The following INPP5F variants were observed in gnomAD, a reference collection of about 807,000 sequenced individuals.
INPP5F encodes phosphatidylinositide 4-phosphatase SAC2.
A neutral mutation model predicts 137.2 loss-of-function variants in INPP5F; 97 were observed. That is an observed-to-expected ratio of 0.71 (90% CI 0.60 to 0.84). INPP5F has a LOEUF of 0.84. Among genes scored for constraint, INPP5F ranks in the 40% least tolerant of loss-of-function variants. INPP5F has a pLI of 0.00. For synonymous variants in INPP5F, 504 were observed against 476.9 expected, an observed-to-expected ratio of 1.06 and a Z score of -0.74; for missense variants, 1,271 against 1,371.9, an observed-to-expected ratio of 0.93 and a Z score of 1.16.
chr10:119,785,706 A>G (rs1339707579), intron 3 of INPP5F, among the ~76,000 whole-genome samples: 1 of 152,078 alleles, frequency 6.6e-6, no homozygotes, highest in Non-Finnish European at 1.5e-5. Context: ...GAAAAATTTA[A>G]AAATTAGCTG....
intron 2 of INPP5F, among the ~76,000 whole-genome samples, chr10:119,751,785 C>G (rs766586240): frequency 6.6e-6 from 1 of 152,054 alleles, no homozygotes; most frequent in East Asian, 1.9e-4. Flanking sequence ...TTTTTTGGTG[C>G]CTTACCCTTC....
rs1850977946 is a variant in INPP5F at position 119,810,301 on chromosome 10, A to G, written c.1687+84A>G. On this transcript the variant is annotated intron_variant, in intron 14 of 19. Transcript: ENST00000650623. ...TACAGAAACCAGCTTCATTAACATA[A>G]TTCATATTTTGTAATATACTTGTGT... 24 of 718,486 alleles carry G rather than the reference A, an allele frequency of 3.3e-5. No homozygotes were observed. The South Asian group carries it at 4.3e-4, about 13-fold the overall frequency. 44.5% of individuals were successfully genotyped at this position (718,486 alleles called of 1,614,324 possible).
At chr10:119,759,453 A>G (rs979410641) in intron 2 of INPP5F, among the ~76,000 whole-genome samples, 4 of 151,998 alleles carry the variant, frequency 2.6e-5, no homozygotes, top group Admixed American at 6.6e-5. Flanking sequence ...GCAGTGGCAC[A>G]ATCTTGGCTC....
At chr10:119,798,395 G>T in intron 8 of INPP5F, 148 bp from the exon 9 acceptor site, 1 of 563,864 alleles carries the variant, frequency 1.8e-6, no homozygotes, top group Non-Finnish European at 3.1e-6. Context: ...CTTTGACTTA[G>T]CATTTCATTT....
chr10:119,807,890 C>T, intron 12 of INPP5F, 42 bp from the exon 13 acceptor site: 1 of 1,542,970 alleles, frequency 6.5e-7, no homozygotes, highest in Non-Finnish European at 8.7e-7. Flanking sequence ...GCTATGGTTT[C>T]CTGGCCCATA....
At chr10:119,771,836 A>G (rs191554737) in intron 2 of INPP5F, among the ~76,000 whole-genome samples, 2 of 121,334 alleles carry the variant, frequency 1.6e-5, no homozygotes, top group African/African-American at 3.1e-5. Context: ...ATACTCCATA[A>G]AGTATGGAGA....
At chr10:119,790,166 G>C (rs1250211553) in intron 3 of INPP5F, among the ~76,000 whole-genome samples, 1 of 152,020 alleles carries the variant, frequency 6.6e-6, no homozygotes, top group Non-Finnish European at 1.5e-5. Context: ...TCGCTCGGGG[G>C]TGTGCAGAGG....
intron 3 of INPP5F, among the ~76,000 whole-genome samples, chr10:119,788,111 A>C (rs753283780): frequency 2.4e-4 from 37 of 152,206 alleles, no homozygotes; most frequent in Admixed American, 6.5e-4. Context: ...TTTCTTGCTT[A>C]AATGATCCAG....
At chr10:119,820,575 T>C (rs916112712) in intron 15 of INPP5F, among the ~76,000 whole-genome samples, 5 of 152,180 alleles carry the variant, frequency 3.3e-5, no homozygotes, top group African/African-American at 1.2e-4. Context: ...CCTCAAATTA[T>C]CCCATTTCCT....
intron 2 of INPP5F, among the ~76,000 whole-genome samples, chr10:119,758,150 A>G (rs574473138): frequency 1.3e-5 from 2 of 152,372 alleles, no homozygotes; most frequent in Non-Finnish European, 2.9e-5. Flanking sequence ...CAGTTTTACC[A>G]TTAAAAATGT....
At chr10:119,790,417 CATG>C (rs1294446867) in intron 3 of INPP5F, among the ~76,000 whole-genome samples, 1 of 152,138 alleles carries the variant, frequency 6.6e-6, no homozygotes, top group African/African-American at 2.4e-5. Context: ...AAGCTGTAAT[CATG>C]GTGTGAAACC....
Position 119,827,899 on chromosome 10 carries a change from G to T in INPP5F, c.*119G>T, listed in dbSNP as rs1478084207. The T allele has an allele frequency of 2.5e-6, 2 of 798,934 alleles. No individual in the cohort carries two copies. The highest frequency in any genetic ancestry group is 2.0e-6 in the Non-Finnish European group (1 of 510,888). The allele number at this position is 798,934 out of a possible 1,614,324, so 49.5% of individuals were successfully genotyped here. ...ATCACAAATTCTGTTCATTGGAAAG[G>T]GTTTTAAACGGAGTCGGAACCTGAG... On this transcript the variant is annotated 3_prime_UTR_variant, in exon 20 of 20. Transcript: ENST00000650623.
intron 6 of INPP5F, among the ~76,000 whole-genome samples, chr10:119,793,118 A>G (rs982743198): frequency 1.3e-5 from 2 of 152,172 alleles, no homozygotes; most frequent in African/African-American, 2.4e-5. Flanking sequence ...TGTAATGAGC[A>G]TTTGTCCTGT....
chr10:119,777,040 C>T (rs1457058971), intron 2 of INPP5F, among the ~76,000 whole-genome samples: 6 of 152,214 alleles, frequency 3.9e-5, no homozygotes, highest in East Asian at 1.9e-4. Context: ...CATGAGCCAC[C>T]GCACCTGGCC....
At chr10:119,758,894 T>G (rs1388456549) in intron 2 of INPP5F, among the ~76,000 whole-genome samples, 1 of 152,232 alleles carries the variant, frequency 6.6e-6, no homozygotes, top group Non-Finnish European at 1.5e-5. Flanking sequence ...TAATACTGAT[T>G]TTAGTCTTCT....
chr10:119,773,983 G>A (rs911442581), intron 2 of INPP5F, among the ~76,000 whole-genome samples: 7 of 152,072 alleles, frequency 4.6e-5, no homozygotes, highest in Admixed American at 3.3e-4. Context: ...TAAATTTCCT[G>A]GCCGGGCTCA....
At chr10:119,793,525 GA>G (rs1850221105) in intron 6 of INPP5F, 2 of 151,656 alleles carry the variant, frequency 1.3e-5, no homozygotes, top group Non-Finnish European at 2.9e-5. Context: ...CACTTACGGA[GA>G]TAAGAGAGAA....
chr10:119,823,262 A>G, intron 18 of INPP5F, 63 bp downstream of exon 18: 1 of 1,508,248 alleles, frequency 6.6e-7, no homozygotes, highest in Non-Finnish European at 9.1e-7. Context: ...AAAAGCCCAA[A>G]TGGAATTGGG....
chr10:119,776,358 T>G (rs1333919816), intron 2 of INPP5F, among the ~76,000 whole-genome samples: 4 of 152,158 alleles, frequency 2.6e-5, no homozygotes, highest in African/African-American at 9.7e-5. Context: ...TGTATTTATT[T>G]TAAAATATAT....
Sources: allele counts gnomAD v4.1 joint callset (sites outside exome capture counted in the v4.1 genomes callset), GRCh38; gene constraint gnomAD v4.1.1; transcripts MANE v1.5; gene names NCBI Gene and HGNC (gene_info 2026-07-23, HGNC 2026-07-21).